The following PTPRM variants were observed in gnomAD, a reference collection of about 807,000 sequenced individuals.
PTPRM encodes receptor-type tyrosine-protein phosphatase mu.
A neutral mutation model predicts 186.7 loss-of-function variants in PTPRM; 47 were observed. The observed-to-expected ratio is 0.25, with a 90% CI of 0.20 to 0.32. The LOEUF (loss-of-function observed/expected upper bound fraction) is 0.32. Among genes scored for constraint, PTPRM ranks in the 10% least tolerant of loss-of-function variants. The pLI is 1.00. For synonymous variants in PTPRM, 668 were observed against 674.9 expected, an observed-to-expected ratio of 0.99 and a Z score of 0.16; for missense variants, 1,494 against 1,865.0, an observed-to-expected ratio of 0.80 and a Z score of 3.66.
chr18:7,968,947 C>T (rs2054334760), intron 7 of PTPRM, among the ~76,000 whole-genome samples: 1 of 64,140 alleles, frequency 1.6e-5, no homozygotes, highest in Non-Finnish European at 3.0e-5. Flanking sequence ...CAGCTCTGCA[C>T]CAAGCGGACC....
At chr18:7,950,287 C>G (rs1410659617) in intron 6 of PTPRM, among the ~76,000 whole-genome samples, 3 of 152,030 alleles carry the variant, frequency 2.0e-5, no homozygotes. Context: ...GCCTATACTC[C>G]CAGCTAGTCA....
At chr18:7,913,822 A>G (rs2050406887) in intron 4 of PTPRM, among the ~76,000 whole-genome samples, 1 of 152,188 alleles carries the variant, frequency 6.6e-6, no homozygotes. Flanking sequence ...ACAAAATAAT[A>G]CAGTAAAAAA....
At chr18:7,919,337 C>T (rs1012496899) in intron 4 of PTPRM, among the ~76,000 whole-genome samples, 2 of 152,026 alleles carry the variant, frequency 1.3e-5, no homozygotes, top group Admixed American at 6.6e-5. Flanking sequence ...TTAAGAATGG[C>T]ATTGATATTT....
At chr18:7,729,481 C>T (rs1273755359) in intron 1 of PTPRM, among the ~76,000 whole-genome samples, 1 of 151,488 alleles carries the variant, frequency 6.6e-6, no homozygotes, top group Non-Finnish European at 1.5e-5. Context: ...CTGCTACAGA[C>T]AGAACTTCCA....
intron 14 of PTPRM, among the ~76,000 whole-genome samples, chr18:8,233,204 TGCTGGGATTACAG>T: frequency 6.6e-6 from 1 of 152,310 alleles, no homozygotes; most frequent in Non-Finnish European, 1.5e-5. Flanking sequence ...CCTCCCAGAG[TGCTGGGATTACAG>T]GCGTAAGCCA....
intron 24 of PTPRM, among the ~76,000 whole-genome samples, chr18:8,373,489 C>A (rs1222895319): frequency 1.3e-5 from 2 of 152,288 alleles, no homozygotes; most frequent in Middle Eastern, 3.4e-3. Context: ...AGTCTCCATG[C>A]ATTTAGGCTG....
intron 14 of PTPRM, among the ~76,000 whole-genome samples, chr18:8,166,806 T>G (rs957039828): frequency 1.3e-5 from 2 of 152,212 alleles, no homozygotes; most frequent in African/African-American, 4.8e-5. Context: ...AGTAAGCAAC[T>G]GAACCAAGGG....
At chr18:8,160,681 A>C (rs1483473120) in intron 14 of PTPRM, among the ~76,000 whole-genome samples, 1 of 152,220 alleles carries the variant, frequency 6.6e-6, no homozygotes, top group Non-Finnish European at 1.5e-5. Flanking sequence ...TATAACAGAA[A>C]TATCTAGACT....
chr18:7,705,946 G>A (rs1189135380), intron 1 of PTPRM, among the ~76,000 whole-genome samples: 1 of 146,808 alleles, frequency 6.8e-6, no homozygotes, highest in East Asian at 2.0e-4. Flanking sequence ...GCACTATAGT[G>A]ATTTATATAT....
At chr18:8,065,574 C>A (rs1410559625) in intron 7 of PTPRM, among the ~76,000 whole-genome samples, 1 of 152,080 alleles carries the variant, frequency 6.6e-6, no homozygotes, top group Non-Finnish European at 1.5e-5. Flanking sequence ...GCCAACGGGG[C>A]CTGTCATGAT....
At chr18:8,231,808 A>G (rs2094289821) in intron 14 of PTPRM, among the ~76,000 whole-genome samples, 1 of 152,086 alleles carries the variant, frequency 6.6e-6, no homozygotes, top group African/African-American at 2.4e-5. Flanking sequence ...TTTTTGTTTC[A>G]CCACATAAGT....
At chr18:7,862,862 C>T (rs2047465753) in intron 2 of PTPRM, among the ~76,000 whole-genome samples, 1 of 152,102 alleles carries the variant, frequency 6.6e-6, no homozygotes, top group Non-Finnish European at 1.5e-5. Flanking sequence ...GGGCAAGTTA[C>T]CTGGGGATGT....
intron 2 of PTPRM, among the ~76,000 whole-genome samples, chr18:7,882,442 C>A (rs945278122): frequency 6.6e-6 from 1 of 152,078 alleles, no homozygotes; most frequent in African/African-American, 2.4e-5. Flanking sequence ...ACCCCATAAA[C>A]TAGAGTCAGG....
At chr18:7,763,933 G>A (rs2041900163) in intron 1 of PTPRM, among the ~76,000 whole-genome samples, 2 of 151,962 alleles carry the variant, frequency 1.3e-5, no homozygotes, top group South Asian at 4.2e-4. Context: ...AGTGCTACTG[G>A]GCATAAAATG....
chr18:8,268,596 T>G (rs1601562891), intron 19 of PTPRM, among the ~76,000 whole-genome samples: 1 of 152,128 alleles, frequency 6.6e-6, no homozygotes, highest in African/African-American at 2.4e-5. Flanking sequence ...GATATTACCC[T>G]GATCCAAAGC....
At chr18:7,636,262 A>C (rs992106848) in intron 1 of PTPRM, among the ~76,000 whole-genome samples, 10 of 152,120 alleles carry the variant, frequency 6.6e-5, no homozygotes, top group Non-Finnish European at 1.3e-4. Context: ...ACAAACTGGA[A>C]GTGACAATGT....
chr18:7,771,220 T>G (rs2144899203), intron 1 of PTPRM, among the ~76,000 whole-genome samples: 2 of 152,342 alleles, frequency 1.3e-5, no homozygotes, highest in South Asian at 4.1e-4. Context: ...AAGATCGCAC[T>G]GTAGGACTTT....
chr18:7,859,397 C>T (rs749860751), intron 2 of PTPRM, among the ~76,000 whole-genome samples: 5 of 152,170 alleles, frequency 3.3e-5, no homozygotes, highest in East Asian at 1.9e-4. Context: ...TTGCTGGTGG[C>T]AGCCAGGTAG....
chr18:8,032,028 GA>G (rs1313434156), intron 7 of PTPRM, among the ~76,000 whole-genome samples: 2 of 152,102 alleles, frequency 1.3e-5, no homozygotes, highest in African/African-American at 2.4e-5. Flanking sequence ...AAATAATGTT[GA>G]AAAAAGGGGA....
Sources: gnomAD v4.1 joint callset for allele counts (sites outside exome capture counted in the v4.1 genomes callset) on GRCh38, gnomAD v4.1.1 for gene constraint, MANE v1.5 for transcripts, NCBI Gene and HGNC (gene_info 2026-07-23, HGNC 2026-07-21) for gene names.